The following HSF2BP variants were observed in gnomAD, a reference collection of about 807,000 sequenced individuals.
The protein encoded by HSF2BP is heat shock factor 2-binding protein.
HSF2BP carries 35 observed loss-of-function variants against 35.0 expected under a neutral mutation model. The observed-to-expected ratio is 1.00, with a 90% CI of 0.76 to 1.32. HSF2BP has a LOEUF of 1.32. Ranked by LOEUF, HSF2BP falls within the 40% of genes most tolerant of loss-of-function variation. HSF2BP has a pLI of 0.00. For missense variants in HSF2BP, 326 were observed against 321.7 expected (o/e 1.01, Z -0.10); for synonymous variants, 114 against 117.4 (o/e 0.97, Z 0.18).
intron 4 of HSF2BP, among the ~76,000 whole-genome samples, chr21:43,639,076 C>T (rs1465089590): frequency 6.6e-6 from 1 of 152,156 alleles, no homozygotes; most frequent in Non-Finnish European, 1.5e-5. Context: ...AGTGCTGAAG[C>T]AACTGGACAA....
intron 7 of HSF2BP, among the ~76,000 whole-genome samples, chr21:43,594,500 T>C (rs943384415): frequency 1.3e-5 from 2 of 152,172 alleles, no homozygotes; most frequent in African/African-American, 4.8e-5. Flanking sequence ...TACTTTCAAG[T>C]ATACCAAATA....
intron 7 of HSF2BP, among the ~76,000 whole-genome samples, chr21:43,593,107 G>C (rs1376374191): frequency 6.6e-6 from 1 of 152,200 alleles, no homozygotes; most frequent in Non-Finnish European, 1.5e-5. Context: ...CAAAATCTTA[G>C]AGGAAAGTGC....
In HSF2BP at chr21:43,586,895, G is replaced by A. The variant is rs1355688423; in HGVS notation, c.796+5330C>T. On this transcript the variant is annotated intron_variant, in intron 8 of 8. Transcript: ENST00000291560. ...GGCTCACTGCAACCTCTGCCTCCTG[G>A]GTTCAAACAATTCTCCTTTTCCTCG... is the stretch of plus-strand genomic sequence containing the variant. 2.0e-5 allele frequency among the ~76,000 whole-genome samples: 3 copies of A among 151,676 alleles called. No individual in the cohort carries two copies. In the East Asian group the frequency reaches 5.8e-4, roughly 29 times the overall value.
intron 7 of HSF2BP, among the ~76,000 whole-genome samples, chr21:43,612,516 T>C (rs2082219336): frequency 6.6e-6 from 1 of 152,168 alleles, no homozygotes; most frequent in Non-Finnish European, 1.5e-5. Context: ...CTGGGCGTGG[T>C]GGCGGGCGCC....
At chr21:43,643,673 G>C (rs2147078846) in intron 4 of HSF2BP, among the ~76,000 whole-genome samples, 1 of 152,226 alleles carries the variant, frequency 6.6e-6, no homozygotes, top group South Asian at 2.1e-4. Context: ...AAATTACTCA[G>C]CCTCGCCGGG....
At chr21:43,604,784 A>T (rs920847908) in intron 7 of HSF2BP, among the ~76,000 whole-genome samples, 1 of 139,378 alleles carries the variant, frequency 7.2e-6, no homozygotes, top group Admixed American at 7.2e-5. Flanking sequence ...GCCACACCAC[A>T]CACATGCCAC....
intron 8 of HSF2BP, among the ~76,000 whole-genome samples, chr21:43,575,156 A>G (rs2838320): frequency 0.68 from 104,134 of 152,174 alleles, 36,138 homozygotes; most frequent in East Asian, 0.82. Flanking sequence ...GGAATTCCTC[A>G]AATGTTACAG....
At chr21:43,625,676 T>C (rs557627314) in intron 6 of HSF2BP, among the ~76,000 whole-genome samples, 8 of 152,362 alleles carry the variant, frequency 5.3e-5, no homozygotes, top group African/African-American at 1.7e-4. Flanking sequence ...CCCCACAGGA[T>C]AGTCTTGGTA....
intron 8 of HSF2BP, among the ~76,000 whole-genome samples, chr21:43,589,114 T>C (rs1219886755): frequency 6.6e-6 from 1 of 152,188 alleles, no homozygotes; most frequent in Non-Finnish European, 1.5e-5. Context: ...ATACATGCTG[T>C]GTGGGCTGTG....
chr21:43,626,788 G>A (rs1568923942), intron 6 of HSF2BP, among the ~76,000 whole-genome samples: 4 of 152,052 alleles, frequency 2.6e-5, no homozygotes, highest in Non-Finnish European at 5.9e-5. Context: ...TCACAGCAAT[G>A]TATTGAACCA....
intron 8 of HSF2BP, among the ~76,000 whole-genome samples, chr21:43,572,617 C>T (rs2081591182): frequency 6.6e-6 from 1 of 152,228 alleles, no homozygotes; most frequent in Non-Finnish European, 1.5e-5. Context: ...CAGCTGCTCC[C>T]TGGCACTCAG....
chr21:43,651,070 C>T (rs2082779315), intron 3 of HSF2BP, among the ~76,000 whole-genome samples: 1 of 152,158 alleles, frequency 6.6e-6, no homozygotes, highest in African/African-American at 2.4e-5. Context: ...TTTTCCCAAA[C>T]TCATGAAGTG....
intron 3 of HSF2BP, among the ~76,000 whole-genome samples, chr21:43,652,565 TAG>T (rs2082803920): frequency 6.6e-6 from 1 of 152,160 alleles, no homozygotes; most frequent in East Asian, 1.9e-4. Flanking sequence ...GCTCTATTCT[TAG>T]AGTCATGTCT....
the HSF2BP span, among the ~76,000 whole-genome samples, chr21:43,494,656 ACTCCTCCTC>A: frequency 8.6e-5 from 1 of 11,626 alleles, no homozygotes; most frequent in Non-Finnish European, 1.9e-4. Flanking sequence ...CTCCTTCTGG[ACTCCTCCTC>A]CTCCTCCCCA....
At chr21:43,652,461 G>A (rs544338781) in intron 3 of HSF2BP, among the ~76,000 whole-genome samples, 2 of 151,604 alleles carry the variant, frequency 1.3e-5, no homozygotes, top group Admixed American at 6.6e-5. Flanking sequence ...CAAAAGGAGT[G>A]GATACTGGAC....
chr21:43,628,079 G>A (rs1449744941), intron 6 of HSF2BP, among the ~76,000 whole-genome samples: 1 of 152,136 alleles, frequency 6.6e-6, no homozygotes, highest in Non-Finnish European at 1.5e-5. Context: ...CTAGGAACTT[G>A]CTATTCCCTG....
At chr21:43,591,938 A>T (rs1308080477) in intron 8 of HSF2BP, among the ~76,000 whole-genome samples, 1 of 152,020 alleles carries the variant, frequency 6.6e-6, no homozygotes, top group Non-Finnish European at 1.5e-5. Context: ...TGTCCAAGTA[A>T]CCCTTATTTT....
Position 43,613,895 on chromosome 21 carries a change from C to T in HSF2BP, c.627G>A (p.Val209=), listed in dbSNP as rs764648095. ...GAAGCTGCAATATGGTGTCCAAGAG[C>T]ACCCGGCTTGAATTAACCAAGAATT... ...GREFLVNSSR[V]LLDTILQLLG... is the part of the protein sequence containing the mutation. Residue 209 remains valine (V), a synonymous_variant, in exon 7 of 9, where the codon GTG becomes GTA. Transcript: ENST00000291560. The T allele has an allele frequency of 1.2e-6, 2 of 1,612,000 alleles. No individual in the cohort carries two copies. The highest frequency in any genetic ancestry group is 2.2e-5 in the South Asian group (2 of 90,348).
intron 6 of HSF2BP, among the ~76,000 whole-genome samples, chr21:43,615,159 C>T (rs544073913): frequency 6.6e-6 from 1 of 152,266 alleles, no homozygotes; most frequent in South Asian, 2.1e-4. Flanking sequence ...GACAGTAAAG[C>T]ATGATTCAAA....
Sources: allele counts gnomAD v4.1 joint callset (sites outside exome capture counted in the v4.1 genomes callset), GRCh38; gene constraint gnomAD v4.1.1; transcripts MANE v1.5; gene names NCBI Gene and HGNC (gene_info 2026-07-23, HGNC 2026-07-21).